Variants in S100PBP observed in about 807,000 individuals in gnomAD.
The protein encoded by S100PBP is S100P binding protein, also known as S100P-binding protein.
A neutral mutation model predicts 39.9 loss-of-function variants in S100PBP; 15 were observed. That is an observed-to-expected ratio of 0.38 (90% CI 0.25 to 0.58). The LOEUF (loss-of-function observed/expected upper bound fraction) is 0.58. S100PBP is among the 20% of genes least tolerant of loss of function. The probability of loss-of-function intolerance (pLI) is 0.70; values close to 1 mark genes in which losing one functional copy is unlikely to be tolerated. For missense variants in S100PBP, 504 were observed against 487.3 expected, an observed-to-expected ratio of 1.03 and a Z score of -0.32; for synonymous variants, 178 against 180.3, an observed-to-expected ratio of 0.99 and a Z score of 0.10.
intron 5 of S100PBP, among the ~76,000 whole-genome samples, chr1:32,852,306 C>CT (rs562385939): frequency 9.8e-4 from 149 of 151,342 alleles, no homozygotes; most frequent in Non-Finnish European, 1.6e-3. Flanking sequence ...GAGCAAGACT[C>CT]TGTCTCAAAA....
intron 1 of S100PBP, among the ~76,000 whole-genome samples, chr1:32,822,620 CAAA>C (rs922887705): frequency 5.1e-5 from 4 of 77,744 alleles, no homozygotes; most frequent in Non-Finnish European, 7.9e-5. Flanking sequence ...GACTCCGTTT[CAAA>C]AAAAAAAAAA....
chr1:32,828,627 G>A (rs1639447781), intron 4 of S100PBP, among the ~76,000 whole-genome samples: 1 of 152,054 alleles, frequency 6.6e-6, no homozygotes, highest in African/African-American at 2.4e-5. Context: ...TTTTTAAAAT[G>A]TTGGATCAGA....
intron 5 of S100PBP, among the ~76,000 whole-genome samples, chr1:32,838,658 C>T (rs1295745728): frequency 5.9e-5 from 9 of 152,176 alleles, no homozygotes; most frequent in Admixed American, 5.2e-4. Flanking sequence ...GCCTGGCCAA[C>T]GTGGTGAAAC....
In S100PBP at chr1:32,826,623, C is replaced by T. The variant is rs1019372124; in HGVS notation, c.524C>T (p.Ser175Phe). 2.4e-5 allele frequency: 38 copies of T among 1,613,992 alleles called. 1 individual carries two copies. Among genetic ancestry groups the T allele is most frequent in the Non-Finnish European group, 2.5e-6 (3 of 1,180,038 alleles). Residue 175 changes from serine to phenylalanine, a missense_variant, in exon 3 of 7, where the codon TCT becomes TTT. Coordinates refer to ENST00000373475, the MANE Select transcript of S100PBP (RefSeq NM_022753.4). Reference protein sequence around the residue: ...TDSSKDTEKLSSLGEEMREDG... With the variant: ...TDSSKDTEKLFSLGEEMREDG... ...TCGTCCAAAGATACTGAAAAACTCTCTTCCCTTGGAGAAGAGATGAGAGAA... is the reference window on the plus strand; with the variant it reads ...TCGTCCAAAGATACTGAAAAACTCTTTTCCCTTGGAGAAGAGATGAGAGAA...
chr1:32,851,635 C>T (rs1040560878), intron 5 of S100PBP, among the ~76,000 whole-genome samples: 2 of 151,888 alleles, frequency 1.3e-5, no homozygotes, highest in Non-Finnish European at 1.5e-5. Flanking sequence ...CACTGCACTC[C>T]AGCCTGGGTG....
In S100PBP at chr1:32,826,918, C is replaced by T; in HGVS notation, c.819C>T (p.Thr273=). ...SCEMRSLVVS[T]SSNKQDVLNK... Reference sequence around the variant, plus strand: ...AAATGAGATCTCTGGTTGTTTCCACCTCATCAAACAAAGTAAGTATATTTT... The same window carrying T: ...AAATGAGATCTCTGGTTGTTTCCACTTCATCAAACAAAGTAAGTATATTTT... The change falls in exon 3 of 7, where the codon ACC becomes ACT. Residue 273 remains threonine, a synonymous_variant. Transcript: ENST00000373475. The T allele has an allele frequency of 6.4e-7, 1 of 1,572,690 alleles. No individual in the cohort carries two copies. The highest frequency in any genetic ancestry group is 8.6e-7 in the Non-Finnish European group (1 of 1,160,722).
chr1:32,820,063 A>G (rs1638973822), intron 1 of S100PBP, among the ~76,000 whole-genome samples: 1 of 151,294 alleles, frequency 6.6e-6, no homozygotes, highest in Non-Finnish European at 1.5e-5. Flanking sequence ...AGATAAGAGT[A>G]GAGTATATTA....
At chr1:32,819,760 C>T (rs1162738256) in intron 1 of S100PBP, among the ~76,000 whole-genome samples, 2 of 152,132 alleles carry the variant, frequency 1.3e-5, no homozygotes, top group South Asian at 4.1e-4. Flanking sequence ...CCCCCTTGCA[C>T]ATTCATTAAA....
chr1:32,826,397 T>G lies in S100PBP; in HGVS notation c.298T>G (p.Ser100Ala). The change falls in exon 3 of 7, where the codon TCA (serine) becomes GCA (alanine). Residue 100 changes from serine (S) to alanine (A), a missense_variant. By Grantham distance (99) the Ser-to-Ala change is moderately conservative. Transcript: ENST00000373475. ...ILLDTPREKN[S>A]SYSLGPVAET... is the part of the protein sequence containing the mutation. ...ACTTGATACTCCCCGAGAGAAAAAT[T>G]CATCGTACAGCCTGGGACCAGTAGC... is the stretch of plus-strand genomic sequence containing the variant. 6.2e-7 allele frequency: 1 copy of G among 1,614,092 alleles called. No homozygotes were observed. The highest frequency in any genetic ancestry group is 8.5e-7 in the Non-Finnish European group (1 of 1,180,012).
At chr1:32,854,768 C>T (rs376481382) in intron 6 of S100PBP, among the ~76,000 whole-genome samples, 1 of 152,204 alleles carries the variant, frequency 6.6e-6, no homozygotes, top group East Asian at 1.9e-4. Flanking sequence ...GCTCACCGAC[C>T]TCATCTCCTA....
chr1:32,826,552 T>G lies in S100PBP; in HGVS notation c.453T>G (p.Phe151Leu), dbSNP rs868640679. The change falls in exon 3 of 7, where the codon TTT becomes TTG. Residue 151 changes from phenylalanine (F) to leucine (L), a missense_variant. Physicochemically the swap from Phe to Leu is conservative, Grantham distance 22. Coordinates refer to ENST00000373475, the MANE Select transcript of S100PBP (RefSeq NM_022753.4). ...KNLIKVTVAP[F>L]NPTVCDALLD... ...TTATAAAAGTAACTGTTGCACCATT[T>G]AATCCAACAGTTTGTGATGCTCTGC... is the stretch of plus-strand genomic sequence containing the variant. 3.7e-6 allele frequency: 6 copies of G among 1,613,946 alleles called. No homozygotes were observed. The Middle Eastern group carries it at 9.9e-4, about 266-fold the overall frequency.
At chr1:32,832,878 T>G (rs988241282) in intron 5 of S100PBP, among the ~76,000 whole-genome samples, 38 of 152,214 alleles carry the variant, frequency 2.5e-4, no homozygotes, top group African/African-American at 8.7e-4. Context: ...CTCTTTTCAC[T>G]TTATCAATAA....
chr1:32,836,728 C>A, intron 5 of S100PBP: 1 of 281,738 alleles, frequency 3.5e-6, no homozygotes, highest in Non-Finnish European at 5.4e-6. Flanking sequence ...GGATTTTCCT[C>A]TGCTGCCCTC....
chr1:32,838,989 C>T (rs999928312), intron 5 of S100PBP, among the ~76,000 whole-genome samples: 4 of 152,032 alleles, frequency 2.6e-5, no homozygotes, highest in African/African-American at 7.2e-5. Context: ...AGATGAAGGT[C>T]TTGCTGTATT....
chr1:32,854,108 A>T (rs1251428020), intron 6 of S100PBP, among the ~76,000 whole-genome samples: 63 of 152,298 alleles, frequency 4.1e-4, no homozygotes, highest in Admixed American at 2.7e-3. Flanking sequence ...GATACTCAAA[A>T]ACCTTGGAAT....
chr1:32,830,649 A>G (rs1639553604), intron 5 of S100PBP, among the ~76,000 whole-genome samples: 2 of 152,222 alleles, frequency 1.3e-5, no homozygotes, highest in Admixed American at 1.3e-4. Flanking sequence ...TTCAGCCTGA[A>G]CTATTGGCTG....
intron 1 of S100PBP, among the ~76,000 whole-genome samples, chr1:32,822,070 AAT>A (rs1378286490): frequency 1.3e-5 from 2 of 152,230 alleles, no homozygotes; most frequent in African/African-American, 4.8e-5. Flanking sequence ...CTTAAAAAAA[AAT>A]ATGACATAAG....
intron 5 of S100PBP, among the ~76,000 whole-genome samples, chr1:32,837,535 G>A (rs527747034): frequency 6.2e-5 from 9 of 144,538 alleles, no homozygotes; most frequent in Middle Eastern, 3.6e-3. Flanking sequence ...ATTGCACTCC[G>A]GCCTGGGCAA....
At chr1:32,844,719 TC>T in intron 5 of S100PBP, among the ~76,000 whole-genome samples, 1 of 152,082 alleles carries the variant, frequency 6.6e-6, no homozygotes, top group East Asian at 1.9e-4. Context: ...ACCATGCCCT[TC>T]CTGTTTTCTG....
Sources: allele counts gnomAD v4.1 joint callset (sites outside exome capture counted in the v4.1 genomes callset), GRCh38; gene constraint gnomAD v4.1.1; transcripts MANE v1.5; gene names NCBI Gene and HGNC (gene_info 2026-07-23, HGNC 2026-07-21).